The following STEAP1B variants were observed in gnomAD, a reference collection of about 807,000 sequenced individuals.
STEAP1B encodes STEAP family protein MGC87042.
Under a neutral mutation model 27.9 loss-of-function variants are expected in STEAP1B, and 13 were observed. That is an observed-to-expected ratio of 0.47 (90% confidence interval 0.30 to 0.74). The LOEUF (loss-of-function observed/expected upper bound fraction) is 0.74. Ranked by LOEUF, STEAP1B falls within the 30% of genes least tolerant of loss-of-function variation. The pLI is 0.06. For synonymous variants in STEAP1B, 86 were observed against 107.1 expected (o/e 0.80, Z 1.22); for missense variants, 250 against 298.7 (o/e 0.84, Z 1.20).
chr7:22,434,822 A>G (rs1261863997), intron 4 of STEAP1B, among the ~76,000 whole-genome samples: 3 of 152,242 alleles, frequency 2.0e-5, no homozygotes, highest in Non-Finnish European at 2.9e-5. Context: ...GGAATAATAA[A>G]TAGTCAAAAT....
At chr7:22,487,571 CG>C (rs56294985) in intron 4 of STEAP1B, among the ~76,000 whole-genome samples, 4 of 147,804 alleles carry the variant, frequency 2.7e-5, no homozygotes, top group African/African-American at 7.5e-5. Flanking sequence ...ATGGCGGGGG[CG>C]GGGGGGTGCA....
chr7:22,438,373 A>G (rs1785281139), intron 4 of STEAP1B: 2 of 1,207,294 alleles, frequency 1.7e-6, no homozygotes, highest in Non-Finnish European at 2.3e-6. Context: ...TTGCATTAAA[A>G]TAATTGGAGT....
intron 4 of STEAP1B, among the ~76,000 whole-genome samples, chr7:22,426,513 A>G (rs886664467): frequency 2.0e-5 from 3 of 152,232 alleles, no homozygotes; most frequent in Non-Finnish European, 4.4e-5. Context: ...CCCCAACTTC[A>G]TAAGTTAAGT....
intron 4 of STEAP1B, among the ~76,000 whole-genome samples, chr7:22,474,206 G>C (rs1785933756): frequency 6.6e-6 from 1 of 152,130 alleles, no homozygotes; most frequent in African/African-American, 2.4e-5. Context: ...ATGTATAGAT[G>C]TCCCATGATC....
At chr7:22,468,544 T>C (rs991813297) in intron 4 of STEAP1B, among the ~76,000 whole-genome samples, 3 of 152,222 alleles carry the variant, frequency 2.0e-5, no homozygotes, top group Admixed American at 2.0e-4. Flanking sequence ...ATTTATCACC[T>C]ATCAAAACAC....
intron 4 of STEAP1B, among the ~76,000 whole-genome samples, chr7:22,420,368 G>A (rs1785029638): frequency 6.6e-6 from 1 of 152,132 alleles, no homozygotes; most frequent in Admixed American, 6.5e-5. Flanking sequence ...CTCAATCCAT[G>A]GTGTTCTCCC....
chr7:22,464,025 C>G (rs1785727465), intron 4 of STEAP1B, among the ~76,000 whole-genome samples: 1 of 152,020 alleles, frequency 6.6e-6, no homozygotes, highest in Non-Finnish European at 1.5e-5. Flanking sequence ...AGGCAACCTA[C>G]AAAATGGGAG....
rs181260515 is a variant in STEAP1B, at chr7:22,420,255, A to G, written c.763-419T>C. On this transcript the variant is annotated intron_variant, in intron 4 of 4. Transcript: ENST00000678116. ...TCTTTTAAACAGTAGGCACAGTAAAAGAAAGTGTGTAAAAGTGGCTTCTCC... is the reference window on the plus strand; with the variant it reads ...TCTTTTAAACAGTAGGCACAGTAAAGGAAAGTGTGTAAAAGTGGCTTCTCC... Among the ~76,000 whole-genome samples the G allele has an allele frequency of 6.9e-3, 1,053 of 152,340 alleles. 7 individuals are homozygous for G. Among genetic ancestry groups the G allele is most frequent in the Non-Finnish European group, 9.6e-3 (652 of 68,030 alleles).
intron 4 of STEAP1B, among the ~76,000 whole-genome samples, chr7:22,430,796 C>A (rs1785177227): frequency 6.6e-6 from 1 of 152,212 alleles, no homozygotes; most frequent in African/African-American, 2.4e-5. Context: ...CTAAGCCCGT[C>A]AGACAGACAC....
intron 4 of STEAP1B, among the ~76,000 whole-genome samples, chr7:22,460,768 C>T (rs901013643): frequency 1.3e-5 from 2 of 152,142 alleles, no homozygotes; most frequent in African/African-American, 4.8e-5. Context: ...TGAACCACCC[C>T]GGAGGCAGCA....
rs141727448 is a variant in STEAP1B at position 22,475,188 on chromosome 7, C to A, written c.762+17377G>T. Among the ~76,000 whole-genome samples the A allele has an allele frequency of 2.0e-5, 3 of 152,322 alleles. No individual in the cohort carries two copies. The East Asian group carries it at 5.8e-4, about 29-fold the overall frequency. ...CTAAGAAGTAGGTTCCTATCCTGGCCTGCGTGTGGCTGCTCCTAACGGGCA... is the reference window on the plus strand; with the variant it reads ...CTAAGAAGTAGGTTCCTATCCTGGCATGCGTGTGGCTGCTCCTAACGGGCA... On this transcript the variant is annotated intron_variant, in intron 4 of 4. Transcript: ENST00000678116.
intron 4 of STEAP1B, 57 bp downstream of exon 4, chr7:22,492,508 A>G (rs1786345575): frequency 1.3e-6 from 2 of 1,504,416 alleles, no homozygotes; most frequent in Non-Finnish European, 1.8e-6. Flanking sequence ...AACATATTCT[A>G]TATCATAAAC....
chr7:22,473,374 A>G (rs947984262), intron 4 of STEAP1B, among the ~76,000 whole-genome samples: 4 of 152,228 alleles, frequency 2.6e-5, no homozygotes, highest in Non-Finnish European at 4.4e-5. Context: ...AAAGTGACTC[A>G]GGTGGGTTAT....
At chr7:22,481,330 T>C (rs1485935632) in intron 4 of STEAP1B, among the ~76,000 whole-genome samples, 1 of 152,174 alleles carries the variant, frequency 6.6e-6, no homozygotes, top group East Asian at 1.9e-4. Context: ...AGCTCTGCCA[T>C]TACTACCTGT....
chr7:22,438,871 G>T, intron 4 of STEAP1B: 2 of 1,217,818 alleles, frequency 1.6e-6, no homozygotes, highest in Non-Finnish European at 2.1e-6. Context: ...TTATAAAATG[G>T]GATAAAATCT....
Position 22,497,949 on chromosome 7 carries a change from G to A in STEAP1B, c.-32+2165C>T, listed in dbSNP as rs1786469786. Among the ~76,000 whole-genome samples the A allele has an allele frequency of 5.3e-5, 8 of 152,260 alleles. No individual in the cohort carries two copies. The South Asian group carries it at 1.5e-3, about 28-fold the overall frequency. Reference sequence around the variant, plus strand: ...ACAATTTTTCCAAGTAGGGGAAGGGGGATAGGGTTTTGAGGTGAAACTGTT... The same window carrying A: ...ACAATTTTTCCAAGTAGGGGAAGGGAGATAGGGTTTTGAGGTGAAACTGTT... On this transcript the variant is annotated intron_variant, in intron 1 of 4. Coordinates refer to ENST00000678116, the MANE Select transcript of STEAP1B (RefSeq NM_001382447.1).
At chr7:22,484,615 C>G (rs1407928055) in intron 4 of STEAP1B, among the ~76,000 whole-genome samples, 1 of 152,142 alleles carries the variant, frequency 6.6e-6, no homozygotes, top group Non-Finnish European at 1.5e-5. Context: ...CATTCTGCAG[C>G]CCATAAATCA....
chr7:22,480,286 C>T (rs897073315), intron 4 of STEAP1B, among the ~76,000 whole-genome samples: 1 of 152,178 alleles, frequency 6.6e-6, no homozygotes, highest in Non-Finnish European at 1.5e-5. Flanking sequence ...GTGAGGTCTT[C>T]CCACATACAC....
chr7:22,447,922 A>G (rs1048255302), intron 4 of STEAP1B, among the ~76,000 whole-genome samples: 35 of 152,238 alleles, frequency 2.3e-4, no homozygotes, highest in Admixed American at 1.8e-3. Context: ...TGAGCAATTG[A>G]GATGCAAAGA....
Sources: gnomAD v4.1 joint callset for allele counts (sites outside exome capture counted in the v4.1 genomes callset) on GRCh38, gnomAD v4.1.1 for gene constraint, MANE v1.5 for transcripts, NCBI Gene and HGNC (gene_info 2026-07-23, HGNC 2026-07-21) for gene names.